Variants in DYNC2H1 observed in about 807,000 individuals in gnomAD.
The protein encoded by DYNC2H1 is cytoplasmic dynein 2 heavy chain 1.
Under a neutral mutation model 570.0 loss-of-function variants are expected in DYNC2H1, and 410 were observed. That is an observed-to-expected ratio of 0.72 (90% CI 0.66 to 0.78). The LOEUF (loss-of-function observed/expected upper bound fraction) is 0.78, where lower values mean the gene tolerates loss of function less well. DYNC2H1 is among the 30% of genes least tolerant of loss of function. The pLI is 0.00. For missense variants in DYNC2H1, 4,865 were observed against 5,046.4 expected (o/e 0.96, Z 1.09); for synonymous variants, 1,688 against 1,677.6 (o/e 1.01, Z -0.15).
At chr11:103,284,167 T>C (rs896676871) in intron 73 of DYNC2H1, among the ~76,000 whole-genome samples, 4 of 152,118 alleles carry the variant, frequency 2.6e-5, no homozygotes, top group South Asian at 2.1e-4. Flanking sequence ...TCCCATTAGG[T>C]TGGTTTAGCC....
chr11:103,308,151 T>C (rs1867389461), intron 78 of DYNC2H1, among the ~76,000 whole-genome samples: 1 of 152,168 alleles, frequency 6.6e-6, no homozygotes, highest in African/African-American at 2.4e-5. Context: ...TCTTGCAAAA[T>C]TGAAACTCTA....
At chr11:103,430,475 G>A (rs570617794) in intron 84 of DYNC2H1, among the ~76,000 whole-genome samples, 2 of 151,540 alleles carry the variant, frequency 1.3e-5, no homozygotes, top group African/African-American at 4.9e-5. Flanking sequence ...GAATATTACC[G>A]TACATTTTTA....
chr11:103,147,171 G>C (rs976961331), intron 18 of DYNC2H1, among the ~76,000 whole-genome samples: 2 of 152,092 alleles, frequency 1.3e-5, no homozygotes, highest in Admixed American at 1.3e-4. Context: ...ATTATTTGAC[G>C]TGTACATTGC....
chr11:103,257,019 A>G (rs1865083620), intron 68 of DYNC2H1, among the ~76,000 whole-genome samples: 1 of 152,104 alleles, frequency 6.6e-6, no homozygotes, highest in Non-Finnish European at 1.5e-5. Context: ...CTATAGTCTG[A>G]ATATTTGTGT....
At chr11:103,156,894 T>C in intron 26 of DYNC2H1, 124 bp downstream of exon 26, 1 of 1,200,114 alleles carries the variant, frequency 8.3e-7, no homozygotes, top group Non-Finnish European at 1.1e-6. Flanking sequence ...ATTCAAATTC[T>C]TTCCTAGTGG....
rs1212876712 is a variant in DYNC2H1, at chr11:103,209,689, G to A, written c.8455-187G>A. On this transcript the variant is annotated intron_variant, in intron 52 of 88. Transcript: ENST00000375735. This position sits in a 1 kb window ranked among gnomAD's most constrained non-coding sequence, Gnocchi z 4.2. ...GTGCCATTGCAATCAGTTAATGGTTGATGTGTGTCAAAATGTTGTCTTGGA... is the reference window on the plus strand; with the variant it reads ...GTGCCATTGCAATCAGTTAATGGTTAATGTGTGTCAAAATGTTGTCTTGGA... Among the ~76,000 whole-genome samples the A allele has an allele frequency of 6.6e-6, 1 of 151,936 alleles. No homozygotes were observed. Among genetic ancestry groups the A allele is most frequent in the Non-Finnish European group, 1.5e-5 (1 of 67,908 alleles).
At chr11:103,212,428 A>G (rs1030238915) in intron 54 of DYNC2H1, among the ~76,000 whole-genome samples, 13 of 152,052 alleles carry the variant, frequency 8.5e-5, no homozygotes, top group Non-Finnish European at 4.4e-5. Context: ...CCTGTACCCA[A>G]TAACTAATGG....
chr11:103,388,682 C>T (rs1347952469), intron 83 of DYNC2H1, among the ~76,000 whole-genome samples: 1 of 144,632 alleles, frequency 6.9e-6, no homozygotes, highest in African/African-American at 2.6e-5. Context: ...CCCATCAATA[C>T]CTAATTTATT....
intron 85 of DYNC2H1, among the ~76,000 whole-genome samples, chr11:103,441,060 T>C (rs1055385962): frequency 6.6e-6 from 1 of 152,152 alleles, no homozygotes; most frequent in Admixed American, 6.5e-5. Context: ...ATCTTGAGTA[T>C]CAAAATCCTT....
chr11:103,120,153 T>C (rs1444769865), intron 6 of DYNC2H1, among the ~76,000 whole-genome samples: 1 of 152,172 alleles, frequency 6.6e-6, no homozygotes, highest in Non-Finnish European at 1.5e-5. Flanking sequence ...GTTTAAACAG[T>C]TTTTTAAACT....
At position 103,399,956 on chromosome 11, in the gene DYNC2H1, T is replaced by C. The variant is rs1682059473; in HGVS notation, c.12366+84T>C. On this transcript the variant is annotated intron_variant, in intron 84 of 88. Transcript: ENST00000375735. ...ACACATATATTTGTCAGGAATCATA[T>C]AGTTAATAGCAGAAGACCCGAGTCA... 101 of 1,190,048 alleles carry C rather than the reference T, an allele frequency of 8.5e-5. 2 individuals carry two copies. The South Asian group carries it at 1.4e-3, about 16-fold the overall frequency. 73.7% of individuals were successfully genotyped at this position (1,190,048 alleles called of 1,614,324 possible).
intron 75 of DYNC2H1, among the ~76,000 whole-genome samples, chr11:103,292,921 G>A (rs1489371155): frequency 1.3e-5 from 2 of 152,164 alleles, no homozygotes; most frequent in Non-Finnish European, 2.9e-5. Context: ...CCCATCTCAG[G>A]TATTTCTTTA....
intron 31 of DYNC2H1, among the ~76,000 whole-genome samples, chr11:103,166,474 TCTGTCTA>T (rs1445223420): frequency 2.0e-5 from 3 of 152,144 alleles, no homozygotes; most frequent in Non-Finnish European, 2.9e-5. Flanking sequence ...TCATTTTCCT[TCTGTCTA>T]AAGAACTTCT....
Position 103,280,163 on chromosome 11 carries a change from C to T in DYNC2H1, c.10696-185C>T, listed in dbSNP as rs921773169. 5.3e-5 allele frequency among the ~76,000 whole-genome samples: 8 copies of T among 152,004 alleles called. No homozygotes were observed. Among genetic ancestry groups the T allele is most frequent in the African/African-American group, 1.2e-4 (5 of 41,396 alleles). ...AATGTGATCACTTACTTACTCTGAC[C>T]CCACCCCTGACTTGAAGTGTCTCTA... is the stretch of plus-strand genomic sequence containing the variant. On this transcript the variant is annotated intron_variant, in intron 70 of 88. Transcript: ENST00000375735. The surrounding 1 kb of genome is among the most constrained non-coding windows in gnomAD (Gnocchi z 4.7).
At chr11:103,125,017 G>A (rs1858918314) in intron 11 of DYNC2H1, 83 bp from the exon 12 acceptor site, 16 of 1,071,600 alleles carry the variant, frequency 1.5e-5, no homozygotes, top group Non-Finnish European at 2.0e-5. Flanking sequence ...TAGATGTACA[G>A]AAAAGTTGTA....
Position 103,177,368 on chromosome 11 carries a change from G to C in DYNC2H1, c.5875-188G>C, listed in dbSNP as rs997647927. On this transcript the variant is annotated intron_variant, in intron 37 of 88. Coordinates refer to ENST00000375735, the MANE Select transcript of DYNC2H1 (RefSeq NM_001377.3). The surrounding 1 kb of genome is among the most constrained non-coding windows in gnomAD (Gnocchi z 4.4). The stretch of plus-strand genomic sequence containing the variant: ...TTGTTTCTTTTAAAGAAATATTGAA[G>C]TATTTAAAGATTATATTGTAAATAT... Among the ~76,000 whole-genome samples, 1 of 152,012 alleles carries C rather than the reference G, an allele frequency of 6.6e-6. No individual in the cohort carries two copies. Among genetic ancestry groups the C allele is most frequent in the East Asian group, 1.9e-4 (1 of 5,190 alleles).
chr11:103,415,041 A>G (rs549352749), intron 84 of DYNC2H1, among the ~76,000 whole-genome samples: 1 of 152,316 alleles, frequency 6.6e-6, no homozygotes, highest in East Asian at 1.9e-4. Flanking sequence ...ACTTTGACAA[A>G]CCTGAGAAAC....
chr11:103,436,106 A>T, intron 85 of DYNC2H1, 74 bp downstream of exon 85: 1 of 1,268,574 alleles, frequency 7.9e-7, no homozygotes, highest in Non-Finnish European at 1.1e-6. Flanking sequence ...CCATTGTGCT[A>T]ATCACTAGTG....
intron 83 of DYNC2H1, among the ~76,000 whole-genome samples, chr11:103,378,989 A>G (rs1377750315): frequency 6.6e-6 from 1 of 152,206 alleles, no homozygotes; most frequent in African/African-American, 2.4e-5. Context: ...TTGATGCTCT[A>G]AAGCCAACCT....
Sources: gnomAD v4.1 joint callset for allele counts (sites outside exome capture counted in the v4.1 genomes callset) on GRCh38, gnomAD v4.1.1 for gene constraint, Gnocchi (gnomAD v3.1) non-coding constraint, MANE v1.5 for transcripts, NCBI Gene and HGNC (gene_info 2026-07-23, HGNC 2026-07-21) for gene names.